Variants in ACSM3 observed in about 807,000 individuals in gnomAD.
ACSM3 encodes acyl-CoA synthetase medium chain family member 3.
A neutral mutation model predicts 74.1 loss-of-function variants in ACSM3; 61 were observed. The ratio of observed to expected loss-of-function variants is 0.82; its 90% CI spans 0.67 to 1.02. The LOEUF (loss-of-function observed/expected upper bound fraction) is 1.02, where lower values mean the gene tolerates loss of function less well. Among genes scored for constraint, ACSM3 ranks in the 50% least tolerant of loss-of-function variants. The pLI is 0.00. For missense variants in ACSM3, 660 were observed against 697.0 expected (o/e 0.95, Z 0.60); for synonymous variants, 213 against 241.5 (o/e 0.88, Z 1.09).
At chr16:20,752,113 C>T (rs1179118777) in intron 2 of ACSM3, among the ~76,000 whole-genome samples, 1 of 152,052 alleles carries the variant, frequency 6.6e-6, no homozygotes, top group Non-Finnish European at 1.5e-5. Context: ...TGGTGTGAAC[C>T]CGGGAGGCAG....
intron 1 of ACSM3, among the ~76,000 whole-genome samples, chr16:20,731,999 G>C (rs991390800): frequency 6.6e-6 from 1 of 152,132 alleles, no homozygotes; most frequent in Non-Finnish European, 1.5e-5. Context: ...TATAAGAAAA[G>C]CACAGTGGCC....
chr16:20,693,492 T>A (rs978632901), intron 1 of ACSM3, among the ~76,000 whole-genome samples: 6 of 152,202 alleles, frequency 3.9e-5, no homozygotes, highest in Non-Finnish European at 7.3e-5. Flanking sequence ...ATTGAAGCAC[T>A]TTATCATCAT....
rs962824796 is a variant in ACSM3 at position 20,779,820 on chromosome 16, G to A, written c.639-894G>A. On this transcript the variant is annotated intron_variant, in intron 4 of 13. Coordinates refer to ENST00000289416, the MANE Select transcript of ACSM3 (RefSeq NM_005622.4). Reference sequence around the variant, plus strand: ...AGAGTCTTTCTCTGTCACCCAGGCTGGAGTACGGTGGCTCGATCTTGGCTC... The same window carrying A: ...AGAGTCTTTCTCTGTCACCCAGGCTAGAGTACGGTGGCTCGATCTTGGCTC... 9 of 170,654 alleles carry A rather than the reference G, an allele frequency of 5.3e-5. 1 individual carries two copies. Among genetic ancestry groups the A allele is most frequent in the Admixed American group, 3.7e-4 (6 of 16,030 alleles). The allele number at this position is 170,654 out of a possible 1,614,324, so 10.6% of individuals were successfully genotyped here. A position where few individuals can be genotyped will look rare whatever the true frequency, so the allele number is the denominator to read the frequency against.
chr16:20,754,203 G>GA (rs2080011243), intron 2 of ACSM3, among the ~76,000 whole-genome samples: 1 of 152,192 alleles, frequency 6.6e-6, no homozygotes, highest in African/African-American at 2.4e-5. Context: ...GAGAAGGAGA[G>GA]GTACTAGTTT....
At chr16:20,761,695 T>G (rs2152444940), upstream of ACSM3, among the ~76,000 whole-genome samples, 1 of 152,282 alleles carries the variant, frequency 6.6e-6, no homozygotes, top group Non-Finnish European at 1.5e-5. Context: ...TTGCAGTAGG[T>G]GCCAGGGAAA....
intron 1 of ACSM3, chr16:20,737,345 C>CA: frequency 2.0e-6 from 3 of 1,505,444 alleles, no homozygotes; most frequent in South Asian, 1.4e-5. Flanking sequence ...CTGATAGATA[C>CA]AAAAAATCTT....
chr16:20,770,834 GA>G (rs1439696942), intron 2 of ACSM3, among the ~76,000 whole-genome samples: 1 of 152,118 alleles, frequency 6.6e-6, no homozygotes, highest in Non-Finnish European at 1.5e-5. Context: ...GTGATCAAAT[GA>G]GGGTAATTAG....
At chr16:20,759,088 G>A, upstream of ACSM3, among the ~76,000 whole-genome samples, 1 of 152,132 alleles carries the variant, frequency 6.6e-6, no homozygotes, top group East Asian at 1.9e-4. Flanking sequence ...CAGGATGAGG[G>A]CTGGTTGCCA....
At chr16:20,727,024 A>AT (rs1169338626) in intron 1 of ACSM3, among the ~76,000 whole-genome samples, 1 of 152,256 alleles carries the variant, frequency 6.6e-6, no homozygotes, top group Non-Finnish European at 1.5e-5. Context: ...ATTAGCTGTT[A>AT]TATCATGTGG....
intron 1 of ACSM3, among the ~76,000 whole-genome samples, chr16:20,718,035 G>GAAGAAGAAAAGA (rs2079771987): frequency 6.6e-6 from 1 of 150,738 alleles, no homozygotes; most frequent in African/African-American, 2.4e-5. Flanking sequence ...AGAAAAGAAA[G>GAAGAAGAAAAGA]AAGAAGAAGA....
At chr16:20,757,166 G>C (rs1052070064) in intron 3 of ACSM3, among the ~76,000 whole-genome samples, 34 of 152,132 alleles carry the variant, frequency 2.2e-4, no homozygotes, top group Admixed American at 2.2e-3. Flanking sequence ...TTCCAATTCT[G>C]TGCAGAAAGT....
chr16:20,723,735 T>C (rs1481565974), intron 1 of ACSM3, among the ~76,000 whole-genome samples: 1 of 152,138 alleles, frequency 6.6e-6, no homozygotes, highest in Non-Finnish European at 1.5e-5. Flanking sequence ...GGGGTTGTTT[T>C]TTTCTTGTAA....
At chr16:20,707,152 A>G (rs1007434139) in intron 1 of ACSM3, among the ~76,000 whole-genome samples, 3 of 152,150 alleles carry the variant, frequency 2.0e-5, no homozygotes, top group African/African-American at 7.2e-5. Flanking sequence ...AGTCCATGTG[A>G]GTCCCCAGGG....
At chr16:20,734,549 C>T (rs2079853160) in intron 1 of ACSM3, 1 of 152,150 alleles carries the variant, frequency 6.6e-6, no homozygotes, top group Non-Finnish European at 1.5e-5. Flanking sequence ...ATGAACATAG[C>T]CACTTGTGCA....
chr16:20,694,582 C>A (rs2152343988), intron 1 of ACSM3, among the ~76,000 whole-genome samples: 1 of 152,224 alleles, frequency 6.6e-6, no homozygotes, highest in South Asian at 2.1e-4. Context: ...TCAGGGTCTT[C>A]CTTAAAATAC....
At chr16:20,716,677 C>T (rs1019801514) in intron 1 of ACSM3, among the ~76,000 whole-genome samples, 7 of 152,350 alleles carry the variant, frequency 4.6e-5, no homozygotes, top group African/African-American at 1.4e-4. Flanking sequence ...TTTACCCTCA[C>T]GTCCTCACCA....
chr16:20,685,300 G>A (rs1161445698), intron 1 of ACSM3: 1 of 1,614,042 alleles, frequency 6.2e-7, no homozygotes, highest in Non-Finnish European at 8.5e-7. Context: ...GAAGACGTTG[G>A]CTACACGGCG....
upstream of ACSM3, among the ~76,000 whole-genome samples, chr16:20,760,423 T>C (rs757803640): frequency 9.2e-5 from 14 of 152,168 alleles, no homozygotes; most frequent in Non-Finnish European, 1.9e-4. Flanking sequence ...GCTTTCCTAC[T>C]TTTAAACATC....
intron 2 of ACSM3, among the ~76,000 whole-genome samples, chr16:20,754,499 CA>C (rs2080013376): frequency 6.6e-6 from 1 of 152,174 alleles, no homozygotes; most frequent in South Asian, 2.1e-4. Flanking sequence ...CCCACCAGAA[CA>C]GTGCAAATAA....
Sources: allele counts gnomAD v4.1 joint callset (sites outside exome capture counted in the v4.1 genomes callset), GRCh38; gene constraint gnomAD v4.1.1; transcripts MANE v1.5; gene names NCBI Gene and HGNC (gene_info 2026-07-23, HGNC 2026-07-21).